The following FRMPD4 variants were observed in gnomAD, a reference collection of about 807,000 sequenced individuals.
The protein encoded by FRMPD4 is FERM and PDZ domain containing 4, also known as FERM and PDZ domain-containing protein 4.
Under a neutral mutation model 94.1 loss-of-function variants are expected in FRMPD4, and 22 were observed. The ratio of observed to expected loss-of-function variants is 0.23; its 90% CI spans 0.17 to 0.33. The LOEUF (loss-of-function observed/expected upper bound fraction) is 0.33. Among genes scored for constraint, FRMPD4 ranks in the 10% least tolerant of loss-of-function variants. FRMPD4 has a pLI of 1.00. For missense variants in FRMPD4, 1,111 were observed against 1,339.9 expected, an observed-to-expected ratio of 0.83 and a Z score of 2.67; for synonymous variants, 631 against 548.6, an observed-to-expected ratio of 1.15 and a Z score of -2.10.
intron 1 of FRMPD4, among the ~76,000 whole-genome samples, chrX:11,840,556 A>G: frequency 9.2e-6 from 1 of 109,078 alleles, no homozygotes; most frequent in Non-Finnish European, 1.9e-5. Context: ...GTTTAGTCTC[A>G]TTGCACCAAC....
chrX:12,614,940 G>C (rs1317152714), intron 4 of FRMPD4, 59 bp downstream of exon 4: 1 of 604,047 alleles, frequency 1.7e-6, no homozygotes, highest in African/African-American at 2.2e-5. Flanking sequence ...ACAGCTCTGA[G>C]GTCTCAATTA....
At chrX:12,401,056 C>T (rs1358212994) in intron 1 of FRMPD4, among the ~76,000 whole-genome samples, 1 of 111,657 alleles carries the variant, frequency 9.0e-6, no homozygotes, top group Non-Finnish European at 1.9e-5. Context: ...TTCATTTAAC[C>T]TTTTTAAGAG....
chrX:11,960,182 G>A (rs1256632224), intron 3 of FRMPD4, among the ~76,000 whole-genome samples: 1 of 112,062 alleles, frequency 8.9e-6, no homozygotes, highest in Non-Finnish European at 1.9e-5. Flanking sequence ...CTTTCTTGTG[G>A]AGCGGTTAGG....
At chrX:11,972,174 T>A (rs1033538551) in intron 3 of FRMPD4, among the ~76,000 whole-genome samples, 4 of 112,362 alleles carry the variant, frequency 3.6e-5, no homozygotes, top group African/African-American at 1.3e-4. Context: ...AAGCCAGTTC[T>A]AGTTTTATTT....
At chrX:11,909,651 T>C (rs1258752430) in intron 3 of FRMPD4, among the ~76,000 whole-genome samples, 1 of 110,484 alleles carries the variant, frequency 9.1e-6, no homozygotes, top group Non-Finnish European at 1.9e-5. Flanking sequence ...TTTTTCTTTT[T>C]AGTATATTCA....
intron 16 of FRMPD4, among the ~76,000 whole-genome samples, 189 bp from the exon 17 acceptor site, chrX:12,720,345 T>C (rs2042215343): frequency 9.0e-6 from 1 of 111,724 alleles, no homozygotes; most frequent in Non-Finnish European, 1.9e-5. Flanking sequence ...TTTCTTGATA[T>C]TCATTAAAAT....
intron 1 of FRMPD4, among the ~76,000 whole-genome samples, chrX:12,466,444 C>A (rs759185280): frequency 1.8e-5 from 2 of 112,217 alleles, no homozygotes; most frequent in African/African-American, 6.5e-5. Context: ...GACTCTTTTG[C>A]CTCCCTGAAT....
chrX:12,149,619 C>G (rs1317716867), intron 1 of FRMPD4, among the ~76,000 whole-genome samples: 1 of 112,223 alleles, frequency 8.9e-6, no homozygotes, highest in East Asian at 2.8e-4. Flanking sequence ...GAGATAGATT[C>G]TACTCCTGGT....
chrX:12,547,011 TAAAAAAA>T (rs57946725), intron 2 of FRMPD4, among the ~76,000 whole-genome samples: 3 of 33,764 alleles, frequency 8.9e-5, no homozygotes, highest in African/African-American at 3.7e-4. Context: ...ACTGTCTCTT[TAAAAAAA>T]AAAAAAAAAA....
At chrX:11,861,951 A>G (rs948030081) in intron 1 of FRMPD4, among the ~76,000 whole-genome samples, 1 of 111,649 alleles carries the variant, frequency 9.0e-6, no homozygotes, top group Non-Finnish European at 1.9e-5. Flanking sequence ...GGCCTCAGGA[A>G]ACTTCAATTA....
At chrX:11,998,968 A>C (rs143517534) in intron 3 of FRMPD4, among the ~76,000 whole-genome samples, 7 of 112,220 alleles carry the variant, frequency 6.2e-5, no homozygotes, top group African/African-American at 1.9e-4. Context: ...ATAATAATAA[A>C]AGAGAAATAT....
At chrX:12,110,031 A>G (rs2055342099) in intron 3 of FRMPD4, among the ~76,000 whole-genome samples, 1 of 112,114 alleles carries the variant, frequency 8.9e-6, no homozygotes, top group Non-Finnish European at 1.9e-5. Context: ...AACTATTCCA[A>G]TCAATAGAAA....
At chrX:12,124,716 G>A (rs2055485236) in intron 3 of FRMPD4, among the ~76,000 whole-genome samples, 1 of 111,446 alleles carries the variant, frequency 9.0e-6, no homozygotes, top group Admixed American at 9.5e-5. Context: ...TGTGTGATGA[G>A]TATGCATTTT....
At chrX:12,637,186 A>G (rs2059450641) in intron 4 of FRMPD4, among the ~76,000 whole-genome samples, 1 of 112,417 alleles carries the variant, frequency 8.9e-6, no homozygotes, top group Non-Finnish European at 1.9e-5. Context: ...TTAAATCTTT[A>G]TCTCTTCTTT....
intron 14 of FRMPD4, among the ~76,000 whole-genome samples, chrX:12,710,952 G>T (rs899553391): frequency 9.0e-6 from 1 of 111,123 alleles, no homozygotes; most frequent in African/African-American, 3.3e-5. Flanking sequence ...AGTTAAAATT[G>T]TACCCACAAA....
chrX:12,566,151 AT>A (rs1460084923), intron 2 of FRMPD4, among the ~76,000 whole-genome samples: 1 of 111,846 alleles, frequency 8.9e-6, no homozygotes, highest in Non-Finnish European at 1.9e-5. Context: ...CTTCTACAGA[AT>A]GTCTGGCTAC....
Position 12,451,730 on chromosome X carries a change from G to A in FRMPD4, c.42-46950G>A, listed in dbSNP as rs1249874475. Among the ~76,000 whole-genome samples the A allele has an allele frequency of 3.5e-4, 27 of 76,351 alleles. No homozygotes were observed. The Admixed American group carries it at 4.1e-3, about 12-fold the overall frequency. The allele number at this position is 76,351 out of a possible 115,157, so 66.3% of individuals were successfully genotyped here. A position where few individuals can be genotyped will look rare whatever the true frequency, so the allele number is the denominator to read the frequency against. Reference sequence around the variant, plus strand: ...GATACCCTCAGTGATATGTGTGTATGCCCGTGTGTGTGTGTGTGTGTGTGT... The same window carrying A: ...GATACCCTCAGTGATATGTGTGTATACCCGTGTGTGTGTGTGTGTGTGTGT... On this transcript the variant is annotated intron_variant, in intron 1 of 16. Coordinates refer to ENST00000675598, the MANE Select transcript of FRMPD4 (RefSeq NM_001368397.1).
chrX:12,464,865 G>C (rs192958565), intron 1 of FRMPD4, among the ~76,000 whole-genome samples: 21 of 111,897 alleles, frequency 1.9e-4, no homozygotes, highest in African/African-American at 6.2e-4. Flanking sequence ...AGTAGAAATA[G>C]AGGTGGTCAG....
chrX:12,544,676 G>T (rs1031481830), intron 2 of FRMPD4, among the ~76,000 whole-genome samples: 1 of 111,093 alleles, frequency 9.0e-6, no homozygotes, highest in African/African-American at 3.3e-5. Flanking sequence ...ATGAAATTTG[G>T]GGTTTGCCTT....
Sources: allele counts gnomAD v4.1 joint callset (sites outside exome capture counted in the v4.1 genomes callset), GRCh38; gene constraint gnomAD v4.1.1; transcripts MANE v1.5; gene names NCBI Gene and HGNC (gene_info 2026-07-23, HGNC 2026-07-21).